The following XAGE5 variants were observed in gnomAD, a reference collection of about 807,000 sequenced individuals.
XAGE5 encodes G antigen, family D, 5.
Under a neutral mutation model 13.1 loss-of-function variants are expected in XAGE5, and 13 were observed. That is an observed-to-expected ratio of 0.99 (90% CI 0.64 to 1.57). The LOEUF (loss-of-function observed/expected upper bound fraction) is 1.57. Among genes scored for constraint, XAGE5 ranks in the 40% most tolerant of loss-of-function variants. The pLI is 0.00. For synonymous variants in XAGE5, 17 were observed against 25.0 expected (o/e 0.68, Z 0.96); for missense variants, 86 against 77.6 (o/e 1.11, Z -0.41).
intron 4 of XAGE5, 141 bp from the exon 5 acceptor site, chrX:52,814,951 T>C: frequency 3.0e-6 from 2 of 661,346 alleles, no homozygotes; most frequent in Middle Eastern, 5.3e-4. Context: ...AGATAAGATA[T>C]CATAATACAG....
At chrX:52,813,658 A>G (rs1321005965) in intron 4 of XAGE5, among the ~76,000 whole-genome samples, 1 of 111,495 alleles carries the variant, frequency 9.0e-6, no homozygotes, top group African/African-American at 3.3e-5. Flanking sequence ...CTACCATATA[A>G]CATCCCAAAT....
At chrX:52,812,378 T>C (rs1421694499) in intron 2 of XAGE5, 181 bp from the exon 3 acceptor site, 6 of 361,513 alleles carry the variant, frequency 1.7e-5, no homozygotes, top group Non-Finnish European at 2.9e-5. Flanking sequence ...GTTCAAGTGG[T>C]TCTCCTGCCT....
chrX:52,813,460 T>C (rs782617074), intron 4 of XAGE5, among the ~76,000 whole-genome samples: 1 of 112,433 alleles, frequency 8.9e-6, no homozygotes, highest in East Asian at 2.8e-4. Context: ...TTCTTTGAGA[T>C]GCATTTTGTA....
chrX:52,813,092 A>AT, intron 3 of XAGE5, 48 bp from the exon 4 acceptor site: 1 of 1,114,959 alleles, frequency 9.0e-7, no homozygotes, highest in Non-Finnish European at 1.2e-6. Context: ...GATAAGAAAA[A>AT]TTTTTTATCT....
chrX:52,814,205 T>A (rs782445576), intron 4 of XAGE5: 1 of 330,326 alleles, frequency 3.0e-6, no homozygotes, highest in South Asian at 2.6e-5. Flanking sequence ...CGATATTGGC[T>A]CAGGACAAAA....
At chrX:52,814,148 G>A (rs1367104605) in intron 4 of XAGE5, 1 of 298,558 alleles carries the variant, frequency 3.3e-6, no homozygotes, top group Non-Finnish European at 6.5e-6. Context: ...GAATGATTTT[G>A]CTTAAAAATG....
intron 4 of XAGE5, 45 bp downstream of exon 4, chrX:52,813,290 T>C (rs782095131): frequency 5.6e-5 from 62 of 1,100,019 alleles, no homozygotes; most frequent in Non-Finnish European, 7.5e-6. Flanking sequence ...GGAGGAGGCC[T>C]GTGTGTGCAT....
intron 5 of XAGE5, among the ~76,000 whole-genome samples, chrX:52,815,631 A>T (rs1224268541): frequency 2.7e-5 from 3 of 112,639 alleles, no homozygotes; most frequent in Admixed American, 9.4e-5. Context: ...TAAATCCAAC[A>T]CCCATTTTTG....
chrX:52,812,987 G>T (rs1556777579), intron 3 of XAGE5, among the ~76,000 whole-genome samples, 153 bp from the exon 4 acceptor site: 1 of 111,968 alleles, frequency 8.9e-6, no homozygotes, highest in East Asian at 2.8e-4. Context: ...TAAGTATGTG[G>T]AATCGTTTTG....
Position 52,813,131 on chromosome X carries a change from TTG to T in XAGE5, c.73-7_73-6del, listed in dbSNP as rs1926833317. ...CACACACACACCACCACCCCCGCCC[TTG>T]TCCCAGGAGCCCAGTGTGCCAGAGC... On this transcript the variant is annotated splice_polypyrimidine_tract_variant and splice_region_variant and intron_variant, in intron 3 of 5. Transcript: ENST00000375501. 1 of 1,202,858 alleles carries T rather than the reference TTG, an allele frequency of 8.3e-7. No individual in the cohort carries two copies. The highest frequency in any genetic ancestry group is 1.8e-5 in the African/African-American group (1 of 56,712).
At chrX:52,812,682 TTTTGTG>T in intron 3 of XAGE5, 44 bp downstream of exon 3, 1 of 1,137,057 alleles carries the variant, frequency 8.8e-7, no homozygotes, top group Non-Finnish European at 1.2e-6. Flanking sequence ...GCAGAAATTT[TTTTGTG>T]TGGTAGTTAT....
rs781836870 is a variant in XAGE5 at position 52,811,615 on chromosome X, T to G, written c.-113T>G. On this transcript the variant is annotated 5_prime_UTR_variant, in exon 2 of 6. Coordinates refer to ENST00000375501, the MANE Select transcript of XAGE5 (RefSeq NM_001386970.1). ...GGGTTAGGTGAAGCTGGGGCAATGC[T>G]GGGGTGCTGTTGGTGGTATTCCAGT... 8.1e-5 allele frequency among the ~76,000 whole-genome samples: 9 copies of G among 110,543 alleles called. No individual in the cohort carries two copies. The highest frequency in any genetic ancestry group is 1.7e-4 in the Non-Finnish European group (9 of 52,799).
chrX:52,815,270 T>C (rs1230536159), intron 5 of XAGE5, 53 bp downstream of exon 5: 2 of 1,123,812 alleles, frequency 1.8e-6, no homozygotes, highest in African/African-American at 3.7e-5. Flanking sequence ...TACACAATAT[T>C]ATACTTTTGA....
rs368542765 is a variant in XAGE5, at chrX:52,813,262, G to T, written c.178+17G>T. ...AGATTCAAGGTGCTGGGAAGGGAAA[G>T]AAGGAATGTCTATGGGGGGAGGAGG... On this transcript the variant is annotated intron_variant, in intron 4 of 5. Transcript: ENST00000375501. The T allele has an allele frequency of 2.5e-6, 3 of 1,194,183 alleles. No homozygotes were observed. Among genetic ancestry groups the T allele is most frequent in the Non-Finnish European group, 3.4e-6 (3 of 880,466 alleles).
chrX:52,814,114 C>G (rs1926857611), intron 4 of XAGE5: 4 of 279,637 alleles, frequency 1.4e-5, no homozygotes, highest in Admixed American at 7.0e-5. Flanking sequence ...GTGCATTCTT[C>G]CTGCCATCTA....
At position 52,813,200 on chromosome X, in the gene XAGE5, C is replaced by T. The variant is rs782527306; in HGVS notation, c.133C>T (p.Pro45Ser). Residue 45 changes from proline to serine, a missense_variant, in exon 4 of 6, where the codon CCT (proline) becomes TCT (serine). By Grantham distance (74) the Pro-to-Ser change is moderately conservative (BLOSUM62 -1). Transcript: ENST00000375501. ...ACCAACTGAAAGTCAGGATCATACA[C>T]CTGGTCAGAAGAGAGAAGATGATCA... Reference protein sequence around the residue: ...EPPTESQDHTPGQKREDDQGA... With the variant: ...EPPTESQDHTSGQKREDDQGA... 1.7e-6 allele frequency: 2 copies of T among 1,210,873 alleles called. No homozygotes were observed. The highest frequency in any genetic ancestry group is 3.5e-5 in the South Asian group (2 of 56,838).
At chrX:52,818,166 C>T in intron 5 of XAGE5, 25 bp from the exon 6 acceptor site, 4 of 1,209,271 alleles carry the variant, frequency 3.3e-6, no homozygotes, top group Non-Finnish European at 4.5e-6. Flanking sequence ...TAGTAATGTT[C>T]CCTCCTGTTA....
Position 52,811,706 on chromosome X carries a change from G to A in XAGE5, c.-22G>A, listed in dbSNP as rs1430044330. Among the ~76,000 whole-genome samples the A allele has an allele frequency of 9.0e-6, 1 of 110,537 alleles. No homozygotes were observed. The highest frequency in any genetic ancestry group is 3.3e-5 in the African/African-American group (1 of 30,288). ...GACTCCTCAAGGGACATCAAGGCTG[G>A]AATGTCGTGGACGGTAAGGAAGGGG... On this transcript the variant is annotated 5_prime_UTR_variant, in exon 2 of 6. The change creates a premature stop within an existing upstream ORF in the 5' untranslated region. Transcript: ENST00000375501.
At chrX:52,814,259 A>G (rs782526355) in intron 4 of XAGE5, 1 of 328,997 alleles carries the variant, frequency 3.0e-6, no homozygotes, top group South Asian at 2.7e-5. Context: ...AAAGAGGTCA[A>G]TGAATGACAG....
Sources: allele counts gnomAD v4.1 joint callset (sites outside exome capture counted in the v4.1 genomes callset), GRCh38; gene constraint gnomAD v4.1.1; transcripts MANE v1.5; gene names NCBI Gene and HGNC (gene_info 2026-07-23, HGNC 2026-07-21).